DLGAP1: variants seen among roughly 807,000 people sequenced by gnomAD.
DLGAP1 encodes disks large-associated protein 1.
In DLGAP1, 11 loss-of-function variants were observed where a neutral mutation model predicts 90.8. That is an observed-to-expected ratio of 0.12 (90% CI 0.08 to 0.20). The LOEUF (loss-of-function observed/expected upper bound fraction) is 0.20, where lower values mean the gene tolerates loss of function less well. DLGAP1 is among the 10% of genes least tolerant of loss of function. DLGAP1 has a pLI of 1.00. For missense variants in DLGAP1, 1,050 were observed against 1,333.8 expected, an observed-to-expected ratio of 0.79 and a Z score of 3.31; for synonymous variants, 558 against 540.7, an observed-to-expected ratio of 1.03 and a Z score of -0.44.
chr18:3,650,507 A>G (rs1483137622), intron 7 of DLGAP1, among the ~76,000 whole-genome samples: 1 of 152,194 alleles, frequency 6.6e-6, no homozygotes, highest in Non-Finnish European at 1.5e-5. Context: ...GTATAATGAC[A>G]AGTAAAGATA....
intron 2 of DLGAP1, among the ~76,000 whole-genome samples, chr18:4,144,349 C>G (rs1177856219): frequency 6.6e-6 from 1 of 152,186 alleles, no homozygotes; most frequent in Non-Finnish European, 1.5e-5. Flanking sequence ...TGAGTGCTGG[C>G]TAAGTTCTGT....
intron 1 of DLGAP1, among the ~76,000 whole-genome samples, chr18:4,299,692 A>AC (rs1209300838): frequency 6.9e-6 from 1 of 144,600 alleles, no homozygotes; most frequent in Non-Finnish European, 1.5e-5. Context: ...TTGTTTAAAA[A>AC]ACACACACAA....
chr18:3,733,504 A>G (rs1421396845), intron 6 of DLGAP1, among the ~76,000 whole-genome samples: 4 of 152,150 alleles, frequency 2.6e-5, no homozygotes, highest in African/African-American at 9.7e-5. Context: ...CTGTGTTGCC[A>G]GTGTTTTTTG....
At chr18:4,094,307 T>C (rs766301048) in intron 2 of DLGAP1, among the ~76,000 whole-genome samples, 3 of 152,184 alleles carry the variant, frequency 2.0e-5, no homozygotes, top group Non-Finnish European at 2.9e-5. Context: ...GCAATAAAAA[T>C]AGTGAAGATG....
At chr18:3,979,229 C>T (rs1451476482) in intron 3 of DLGAP1, among the ~76,000 whole-genome samples, 2 of 127,716 alleles carry the variant, frequency 1.6e-5, no homozygotes, top group East Asian at 4.3e-4. Context: ...CTATAGAGCC[C>T]TATTTTTACC....
chr18:4,017,871 A>G (rs1463089118), intron 2 of DLGAP1, among the ~76,000 whole-genome samples: 1 of 151,222 alleles, frequency 6.6e-6, no homozygotes, highest in Non-Finnish European at 1.5e-5. Flanking sequence ...TTTTTTTTCC[A>G]GAAAGTTGGT....
In DLGAP1 at chr18:3,565,242, G is replaced by T. The variant is rs1327898463; in HGVS notation, c.2057+2248C>A. On this transcript the variant is annotated intron_variant, in intron 9 of 12. Transcript: ENST00000315677. This position sits in a 1 kb window ranked among gnomAD's most constrained non-coding sequence, Gnocchi z 4.0. ...TGGCTCACTGCAATCTCTGCCTCCT[G>T]GGTTAAAGGGATTGTCCTGCCTCAG... Among the ~76,000 whole-genome samples, 1 of 152,050 alleles carries T rather than the reference G, an allele frequency of 6.6e-6. No individual in the cohort carries two copies. The highest frequency in any genetic ancestry group is 1.5e-5 in the Non-Finnish European group (1 of 68,026).
At position 4,380,137 on chromosome 18, in the gene DLGAP1, T is replaced by C. The variant is rs528767928; in HGVS notation, c.-267+74869A>G. On this transcript the variant is annotated intron_variant, in intron 1 of 12. Coordinates refer to ENST00000315677, the MANE Select transcript of DLGAP1 (RefSeq NM_004746.4). ...AGTCAAGTAAAATTATACTCATGAC[T>C]ATGAATAGGACTTGTAGTTTAAGGA... Among the ~76,000 whole-genome samples, 65 of 152,292 alleles carry C rather than the reference T, an allele frequency of 4.3e-4. 1 individual carries two copies. The highest frequency in any genetic ancestry group is 2.1e-3 in the South Asian group (10 of 4,832).
chr18:3,838,996 T>G (rs1044531365), intron 4 of DLGAP1, among the ~76,000 whole-genome samples: 2 of 152,234 alleles, frequency 1.3e-5, no homozygotes, highest in African/African-American at 4.8e-5. Flanking sequence ...CTAAATTTTA[T>G]CTTAGATATT....
At chr18:4,332,105 G>A (rs752741048) in intron 1 of DLGAP1, among the ~76,000 whole-genome samples, 8 of 151,956 alleles carry the variant, frequency 5.3e-5, no homozygotes, top group Non-Finnish European at 8.8e-5. Context: ...AACTGAGGCT[G>A]TAAATAAGGC....
chr18:3,809,714 C>A (rs1206182081), intron 5 of DLGAP1, among the ~76,000 whole-genome samples: 2 of 152,176 alleles, frequency 1.3e-5, no homozygotes, highest in Non-Finnish European at 2.9e-5. Context: ...AACTATTATT[C>A]ATGTAGGATT....
At chr18:4,314,510 G>T (rs964402796) in intron 1 of DLGAP1, among the ~76,000 whole-genome samples, 1 of 151,916 alleles carries the variant, frequency 6.6e-6, no homozygotes, top group Admixed American at 6.6e-5. Context: ...TTTCTACAAC[G>T]GTAATTAAAA....
chr18:3,829,325 T>C (rs903879987), intron 4 of DLGAP1, among the ~76,000 whole-genome samples: 3 of 152,198 alleles, frequency 2.0e-5, no homozygotes, highest in Middle Eastern at 3.2e-3. Flanking sequence ...TTTCATATAG[T>C]AATCATGTTT....
intron 5 of DLGAP1, among the ~76,000 whole-genome samples, chr18:3,791,271 A>C (rs1055560575): frequency 2.0e-5 from 3 of 152,252 alleles, no homozygotes; most frequent in Non-Finnish European, 4.4e-5. Flanking sequence ...GATAATTACT[A>C]ATCAAAATTG....
At chr18:3,908,748 A>G (rs61296701) in intron 3 of DLGAP1, among the ~76,000 whole-genome samples, 1,607 of 152,312 alleles carry the variant, frequency 0.011, 27 homozygotes, top group African/African-American at 0.036. Context: ...CCAATTTTGC[A>G]CTGATTATAA....
intron 2 of DLGAP1, among the ~76,000 whole-genome samples, chr18:4,036,168 AAAG>A (rs1363165993): frequency 3.9e-5 from 6 of 152,196 alleles, no homozygotes; most frequent in African/African-American, 1.4e-4. Context: ...CTACTGTACA[AAAG>A]AAGTCCTTGA....
intron 3 of DLGAP1, among the ~76,000 whole-genome samples, chr18:3,991,955 T>G (rs2073978475): frequency 6.6e-6 from 1 of 152,170 alleles, no homozygotes; most frequent in Non-Finnish European, 1.5e-5. Flanking sequence ...TGAAGAGATT[T>G]TTATCTCTGG....
At chr18:4,041,563 A>G (rs2074975245) in intron 2 of DLGAP1, among the ~76,000 whole-genome samples, 2 of 152,254 alleles carry the variant, frequency 1.3e-5, no homozygotes, top group African/African-American at 4.8e-5. Flanking sequence ...CGAAAGAAAC[A>G]TGTTCATATT....
intron 1 of DLGAP1, among the ~76,000 whole-genome samples, chr18:4,202,038 C>A (rs1356049241): frequency 1.3e-5 from 2 of 151,936 alleles, no homozygotes; most frequent in African/African-American, 4.8e-5. Context: ...TTTATTGCAG[C>A]ATAATTCATA....
Sources: gnomAD v4.1 joint callset for allele counts (sites outside exome capture counted in the v4.1 genomes callset) on GRCh38, gnomAD v4.1.1 for gene constraint, Gnocchi (gnomAD v3.1) non-coding constraint, MANE v1.5 for transcripts, NCBI Gene and HGNC (gene_info 2026-07-23, HGNC 2026-07-21) for gene names.